The following DNMBP variants were observed in gnomAD, a reference collection of about 807,000 sequenced individuals.
DNMBP encodes dynamin binding protein.
A neutral mutation model predicts 150.0 loss-of-function variants in DNMBP; 87 were observed. That is an observed-to-expected ratio of 0.58 (90% confidence interval 0.49 to 0.69). The LOEUF is 0.69. Ranked by LOEUF, DNMBP falls within the 30% of genes least tolerant of loss-of-function variation. The pLI is 0.00. For missense variants in DNMBP, 1,774 were observed against 1,949.0 expected, an observed-to-expected ratio of 0.91 and a Z score of 1.69; for synonymous variants, 711 against 750.4, an observed-to-expected ratio of 0.95 and a Z score of 0.86.
At position 99,883,638 on chromosome 10, in the gene DNMBP, CAAAAAAA is replaced by C. The variant is rs71009782; in HGVS notation, c.3997+366_3997+372del. On this transcript the variant is annotated intron_variant, in intron 15 of 16. Coordinates refer to ENST00000324109, the MANE Select transcript of DNMBP (RefSeq NM_015221.4). ...CCTGGATAACAGAGCAAGACTGCCA[CAAAAAAA>C]AAAAAAAAAAAAAAAAAAAAAAATT... Among the ~76,000 whole-genome samples the C allele has an allele frequency of 6.0e-3, 395 of 65,618 alleles. 3 individuals are homozygous for C. The highest frequency in any genetic ancestry group is 0.01 in the African/African-American group (202 of 20,108). 43.0% of individuals were successfully genotyped at this position (65,618 alleles called of 152,430 possible). A position where few individuals can be genotyped will look rare whatever the true frequency, so the allele number is the denominator to read the frequency against.
In DNMBP at chr10:99,909,033, GTTC is replaced by G; in HGVS notation, c.2371_2373del (p.Glu791del). ...ATGTAGTCTCTTTCTGTCTGAAGAA[GTTC>G]TTCTATGACCTTGGCTCTCTTCTCC... On this transcript the variant is annotated inframe_deletion, in exon 5 of 17. Transcript: ENST00000324109. 1.2e-6 allele frequency: 2 copies of G among 1,614,190 alleles called. No individual in the cohort carries two copies. The highest frequency in any genetic ancestry group is 8.5e-7 in the Non-Finnish European group (1 of 1,180,032).
intron 4 of DNMBP, among the ~76,000 whole-genome samples, chr10:99,948,047 A>G (rs2040377840): frequency 6.6e-6 from 1 of 152,212 alleles, no homozygotes; most frequent in Non-Finnish European, 1.5e-5. Context: ...GGCACGGGAT[A>G]TGGGAAATCT....
chr10:99,971,306 T>TTTTA (rs1337708886), intron 2 of DNMBP, among the ~76,000 whole-genome samples: 6 of 120,328 alleles, frequency 5.0e-5, no homozygotes, highest in Non-Finnish European at 1.7e-5. Context: ...GCTAGCTTTC[T>TTTTA]TTTCTTTCCT....
intron 10 of DNMBP, among the ~76,000 whole-genome samples, chr10:99,895,314 A>T (rs1374482704): frequency 6.6e-6 from 1 of 151,916 alleles, no homozygotes; most frequent in Non-Finnish European, 1.5e-5. Context: ...ACTAGTAGAG[A>T]TGGGGTTTCA....
intron 11 of DNMBP, 33 bp from the exon 12 acceptor site, chr10:99,888,986 C>T (rs1333572631): frequency 2.5e-6 from 4 of 1,610,460 alleles, no homozygotes; most frequent in Admixed American, 1.7e-5. Flanking sequence ...CAAGTCAGAA[C>T]AGACAGAACT....
intron 4 of DNMBP, among the ~76,000 whole-genome samples, chr10:99,947,509 C>T (rs2040370958): frequency 6.9e-6 from 1 of 144,534 alleles, no homozygotes; most frequent in Admixed American, 6.9e-5. Flanking sequence ...GAGCTACACA[C>T]TGGGTACACA....
chr10:100,000,153 C>T (rs1034263563), intron 1 of DNMBP, among the ~76,000 whole-genome samples: 5 of 152,178 alleles, frequency 3.3e-5, no homozygotes, highest in Non-Finnish European at 7.3e-5. Context: ...GATTAGAATA[C>T]TTACCGTTCA....
chr10:99,968,785 G>GTTCATA (rs1403823680), intron 3 of DNMBP, among the ~76,000 whole-genome samples: 10 of 151,728 alleles, frequency 6.6e-5, no homozygotes, highest in African/African-American at 2.4e-4. Context: ...AATATGATCA[G>GTTCATA]TTCATATTCT....
chr10:99,897,922 A>T (rs2039679655), intron 9 of DNMBP, 164 bp downstream of exon 9: 2 of 641,914 alleles, frequency 3.1e-6, no homozygotes, highest in Non-Finnish European at 5.4e-6. Context: ...CAAAAAAAAT[A>T]ATAATAAAAT....
chr10:99,961,353 C>T (rs2133340901), intron 3 of DNMBP, among the ~76,000 whole-genome samples: 1 of 132,404 alleles, frequency 7.6e-6, no homozygotes, highest in South Asian at 2.7e-4. Context: ...TGGCTTACTG[C>T]AGCCTTGACC....
At chr10:99,999,177 T>C (rs1004821481) in intron 1 of DNMBP, among the ~76,000 whole-genome samples, 1 of 152,214 alleles carries the variant, frequency 6.6e-6, no homozygotes, top group Admixed American at 6.5e-5. Context: ...CAGTAACTGC[T>C]GGACTGTACA....
chr10:99,971,592 A>G (rs2040677384), intron 2 of DNMBP, among the ~76,000 whole-genome samples: 1 of 151,294 alleles, frequency 6.6e-6, no homozygotes, highest in Non-Finnish European at 1.5e-5. Context: ...CACAATCTCA[A>G]CTCACTGCAA....
At chr10:99,985,797 C>A (rs1484223853) in intron 1 of DNMBP, among the ~76,000 whole-genome samples, 1 of 152,182 alleles carries the variant, frequency 6.6e-6, no homozygotes, top group African/African-American at 2.4e-5. Context: ...AAAGTGAAGT[C>A]TGGAGTGCAG....
intron 4 of DNMBP, among the ~76,000 whole-genome samples, chr10:99,947,993 T>C (rs1187137370): frequency 6.6e-6 from 1 of 152,166 alleles, no homozygotes; most frequent in East Asian, 1.9e-4. Flanking sequence ...AATTTAAGAA[T>C]GTTTTTACGA....
At chr10:99,939,901 C>G (rs2040275406) in intron 4 of DNMBP, among the ~76,000 whole-genome samples, 1 of 152,226 alleles carries the variant, frequency 6.6e-6, no homozygotes, top group Admixed American at 6.5e-5. Context: ...GGACTTGGTA[C>G]AGGAGGACCA....
At position 99,877,100 on chromosome 10, in the gene DNMBP, T is replaced by A; in HGVS notation, c.*51A>T. The A allele has an allele frequency of 1.5e-6, 2 of 1,370,658 alleles. No individual in the cohort carries two copies. The highest frequency in any genetic ancestry group is 2.7e-5 in the East Asian group (1 of 36,968). 84.9% of individuals were successfully genotyped at this position (1,370,658 alleles called of 1,614,324 possible). A position where few individuals can be genotyped will look rare whatever the true frequency, so the allele number is the denominator to read the frequency against. ...CCCTCTCGGTGGGCCGCCAGAACCC[T>A]CGGCGGACTGAAAGCAAAGGCAGCA... is the stretch of plus-strand genomic sequence containing the variant. On this transcript the variant is annotated 3_prime_UTR_variant, in exon 17 of 17. Coordinates refer to ENST00000324109, the MANE Select transcript of DNMBP (RefSeq NM_015221.4).
Position 99,879,927 on chromosome 10 carries a change from A to G in DNMBP, c.4432T>C (p.Ser1478Pro). 1.2e-6 allele frequency: 2 copies of G among 1,614,176 alleles called. No homozygotes were observed. Among genetic ancestry groups the G allele is most frequent in the Non-Finnish European group, 1.7e-6 (2 of 1,180,036 alleles). Reference sequence around the variant, plus strand: ...CTTTGCCCATTTCGTCCTGGTACGGAGTAGCCAACTATTTCTGGATGCCTG... The same window carrying G: ...CTTTGCCCATTTCGTCCTGGTACGGGGTAGCCAACTATTTCTGGATGCCTG... The part of the protein sequence containing the change: ...NFRHPEIVGY[S>P]VPGRNGQSQD... Residue 1478 changes from serine (S) to proline (P), a missense_variant, in exon 16 of 17, where the codon TCC becomes CCC. By Grantham distance (74) the Ser-to-Pro change is moderately conservative (BLOSUM62 -1). Around this residue, in one of 2 missense-constraint regions of DNMBP, gnomAD observed 1,430 missense variants for 1,492.5 expected, o/e 0.96. Coordinates refer to ENST00000324109, the MANE Select transcript of DNMBP (RefSeq NM_015221.4).
intron 4 of DNMBP, among the ~76,000 whole-genome samples, chr10:99,938,949 T>C (rs1252880882): frequency 1.3e-5 from 2 of 152,144 alleles, no homozygotes; most frequent in African/African-American, 4.8e-5. Context: ...CTCACCGTGA[T>C]GTTTGCTATT....
At chr10:99,936,508 C>G (rs1214047739) in intron 4 of DNMBP, among the ~76,000 whole-genome samples, 1 of 137,676 alleles carries the variant, frequency 7.3e-6, no homozygotes, top group Non-Finnish European at 1.6e-5. Context: ...CTGAAGATTT[C>G]TTTTTTCTTT....
Sources: gnomAD v4.1 joint callset for allele counts (sites outside exome capture counted in the v4.1 genomes callset) on GRCh38, gnomAD v4.1.1 for gene constraint, gnomAD v4.1.1 regional missense constraint, MANE v1.5 for transcripts, NCBI Gene and HGNC (gene_info 2026-07-23, HGNC 2026-07-21) for gene names.